POLG: variants seen among roughly 807,000 people sequenced by gnomAD.
The protein encoded by POLG is DNA polymerase gamma, catalytic subunit, also known as DNA polymerase subunit gamma-1.
POLG carries 110 observed loss-of-function variants against 155.4 expected under a neutral mutation model. The ratio of observed to expected loss-of-function variants is 0.71; its 90% confidence interval spans 0.61 to 0.83. POLG has a LOEUF of 0.83. Ranked by LOEUF, POLG falls within the 40% of genes least tolerant of loss-of-function variation. The pLI, the probability that POLG is intolerant of heterozygous loss-of-function variation, is 0.00. For synonymous variants in POLG, 701 were observed against 631.5 expected (o/e 1.11, Z -1.65); for missense variants, 1,685 against 1,627.5 (o/e 1.04, Z -0.61).
At chr15:89,317,157 G>C in intron 22 of POLG, 1 of 611,790 alleles carries the variant, frequency 1.6e-6, no homozygotes, top group Non-Finnish European at 2.9e-6. Flanking sequence ...GTAGGGGACA[G>C]GTACAGGTAG....
rs1298520719 is a variant in POLG at position 89,325,704 on chromosome 15, G to A, written c.1713-18C>T. 20 of 1,560,892 alleles carry A rather than the reference G, an allele frequency of 1.3e-5. No homozygotes were observed. The highest frequency in any genetic ancestry group is 1.7e-5 in the Non-Finnish European group (19 of 1,141,614). On this transcript the variant is annotated intron_variant, in intron 9 of 22. Transcript: ENST00000268124. ...GGTACCATCTACGTCCCAGCAGGAA[G>A]ACAGCAGTGTCACGATGGTAAGGGC...
At position 89,316,644 on chromosome 15, in the gene POLG, CCT is replaced by C; in HGVS notation, c.*105_*106del. On this transcript the variant is annotated 3_prime_UTR_variant, in exon 23 of 23. Coordinates refer to ENST00000268124, the MANE Select transcript of POLG (RefSeq NM_002693.3). ...GGTCCTGCTACTGAAAAATGGCTGG[CCT>C]TAGGCAAGCCCTTTTGCAAAAAGCA... 1 of 1,185,490 alleles carries C rather than the reference CCT, an allele frequency of 8.4e-7. No individual in the cohort carries two copies. Among genetic ancestry groups the C allele is most frequent in the African/African-American group, 1.5e-5 (1 of 66,384 alleles). 73.4% of individuals were successfully genotyped at this position (1,185,490 alleles called of 1,614,324 possible). A position where few individuals can be genotyped will look rare whatever the true frequency, so the allele number is the denominator to read the frequency against.
At position 89,333,108 on chromosome 15, in the gene POLG, G is replaced by A. The variant is rs763592738; in HGVS notation, c.647C>T (p.Ser216Phe). ...GTCPTLAVAI[S>F]PSAWYSWCSQ... is the part of the protein sequence containing the mutation. ...TGCCCCTACTTACCAGGCCGAGGGG[G>A]ATATGGCCACCGCCAATGTGGGGCA... Residue 216 changes from serine to phenylalanine, a missense_variant, in exon 2 of 23, where the codon TCC (serine) becomes TTC (phenylalanine). This residue lies in a region of POLG where 1,210 missense variants were observed against 1,167.1 expected (regional missense o/e 1.04). Transcript: ENST00000268124. 6 of 1,519,678 alleles carry A rather than the reference G, an allele frequency of 3.9e-6. No homozygotes were observed. The highest frequency in any genetic ancestry group is 2.6e-5 in the South Asian group (2 of 76,366). 94.1% of individuals were successfully genotyped at this position (1,519,678 alleles called of 1,614,324 possible).
chr15:89,324,374 T>TA, intron 10 of POLG, 147 bp from the exon 11 acceptor site: 2 of 888,908 alleles, frequency 2.2e-6, no homozygotes, highest in Non-Finnish European at 1.8e-6. Flanking sequence ...TCCCGGGTTT[T>TA]AGACAGGGAT....
Position 89,333,747 on chromosome 15 carries a change from C to T in POLG, c.8G>A (p.Arg3His). The change falls in exon 2 of 23, where the codon CGC becomes CAC. Residue 3 changes from arginine to histidine, a missense_variant. By Grantham distance (29) the Arg-to-His change is conservative. This residue lies in a region of POLG where 1,210 missense variants were observed against 1,167.1 expected (regional missense o/e 1.04). Transcript: ENST00000268124. ...GCCGGCCACCTTCCTCCAGAGCAGG[C>T]GGCTCATGGTTGGTGCAGGGACCCC... Reference protein sequence around the residue: MSRLLWRKVAGAT... With the variant: MSHLLWRKVAGAT... The T allele has an allele frequency of 6.5e-7, 1 of 1,535,292 alleles. No homozygotes were observed. The highest frequency in any genetic ancestry group is 8.7e-7 in the Non-Finnish European group (1 of 1,146,476).
In POLG at chr15:89,316,563, G is replaced by A. The variant is rs1386328271; in HGVS notation, c.*188C>T. 2.4e-6 allele frequency: 3 copies of A among 1,274,208 alleles called. No individual in the cohort carries two copies. Among genetic ancestry groups the A allele is most frequent in the Non-Finnish European group, 3.4e-6 (3 of 891,498 alleles). 78.9% of individuals were successfully genotyped at this position (1,274,208 alleles called of 1,614,324 possible). On this transcript the variant is annotated 3_prime_UTR_variant, in exon 23 of 23. Transcript: ENST00000268124. ...TAGTCCACACCGATGTTGGCATCTT[G>A]GTTCTGAACCCACTGAATTCAACTG...
In POLG at chr15:89,320,739, T is replaced by TA. The variant is rs571769488; in HGVS notation, c.2981+26dup. 8 of 1,611,286 alleles carry TA rather than the reference T, an allele frequency of 5.0e-6. 1 individual carries two copies. The South Asian group carries it at 5.5e-5, about 11-fold the overall frequency. ...AAAGCAGGCCTCGGGTCCTGGGTGT[T>TA]AAAGTGGATGGGAGAGGGACCCTCA... On this transcript the variant is annotated intron_variant, in intron 18 of 22. Coordinates refer to ENST00000268124, the MANE Select transcript of POLG (RefSeq NM_002693.3).
In POLG at chr15:89,328,381, G is replaced by A. The variant is rs147036984; in HGVS notation, c.1250+75C>T. Reference sequence around the variant, plus strand: ...GTCCCCAACCTGAGATAGAACCAGCGCCACCTGATTACAGTGGGCCCGGGT... The same window carrying A: ...GTCCCCAACCTGAGATAGAACCAGCACCACCTGATTACAGTGGGCCCGGGT... On this transcript the variant is annotated intron_variant, in intron 6 of 22. Transcript: ENST00000268124. The A allele has an allele frequency of 5.0e-4, 578 of 1,158,808 alleles. 2 individuals are homozygous for A. Among genetic ancestry groups the A allele is most frequent in the Middle Eastern group, 1.9e-3 (10 of 5,260 alleles). The allele number at this position is 1,158,808 out of a possible 1,614,324, so 71.8% of individuals were successfully genotyped here. A position where few individuals can be genotyped will look rare whatever the true frequency, so the allele number is the denominator to read the frequency against.
At chr15:89,322,717 C>T in intron 14 of POLG, 25 bp downstream of exon 14, 2 of 1,612,188 alleles carry the variant, frequency 1.2e-6, no homozygotes, top group Non-Finnish European at 1.7e-6. Context: ...AAAGGCATCC[C>T]AGGACTCCTC....
In POLG at chr15:89,325,089, TGAGTGAGTGAGAGAGTGA is replaced by T. The variant is rs2055465469; in HGVS notation, c.1949+343_1949+360del. On this transcript the variant is annotated intron_variant, in intron 10 of 22. Transcript: ENST00000268124. ...GTGAGTGAGTGAGTGAGTGAGAGAG[TGAGTGAGTGAGAGAGTGA>T]GAGAGAGTGAGTGAGTGAGTGAGAG... Among the ~76,000 whole-genome samples the T allele has an allele frequency of 6.8e-4, 28 of 41,238 alleles. 4 individuals are homozygous for T. The highest frequency in any genetic ancestry group is 3.0e-3 in the African/African-American group (25 of 8,406). 27.1% of individuals were successfully genotyped at this position (41,238 alleles called of 152,430 possible).
Position 89,321,267 on chromosome 15 carries a change from G to T in POLG, c.2599-7C>A, listed in dbSNP as rs745457199. On this transcript the variant is annotated splice_polypyrimidine_tract_variant and splice_region_variant and intron_variant, in intron 16 of 22. Transcript: ENST00000268124. ...CACTGCCTACTCGGTCAGGCTGTGG[G>T]AAGAGTGAGATACCCAAATGAGACT... 2 of 1,613,934 alleles carry T rather than the reference G, an allele frequency of 1.2e-6. No homozygotes were observed. Among genetic ancestry groups the T allele is most frequent in the Admixed American group, 1.7e-5 (1 of 59,992 alleles).
At chr15:89,331,597 G>A (rs945527983) in intron 2 of POLG, among the ~76,000 whole-genome samples, 6 of 152,322 alleles carry the variant, frequency 3.9e-5, no homozygotes, top group East Asian at 1.9e-4. Context: ...CCTGATGGCC[G>A]AAGCCCTTAC....
chr15:89,333,881 G>A lies in POLG; in HGVS notation c.-127C>T. ...GTCTCTGCTCTCCTGTCAGTGAAAT[G>A]GGTTTGACCATGCCTGCCTTCCACC... On this transcript the variant is annotated 5_prime_UTR_variant, in exon 2 of 23. Transcript: ENST00000268124. 2 of 1,174,740 alleles carry A rather than the reference G, an allele frequency of 1.7e-6. No homozygotes were observed. The highest frequency in any genetic ancestry group is 2.7e-5 in the South Asian group (2 of 73,898). 72.8% of individuals were successfully genotyped at this position (1,174,740 alleles called of 1,614,324 possible).
rs1170298448 is a variant in POLG, at chr15:89,325,271, TGAGA to T, written c.1949+175_1949+178del. 7.2e-4 allele frequency among the ~76,000 whole-genome samples: 67 copies of T among 92,770 alleles called. 14 individuals are homozygous for T. The highest frequency in any genetic ancestry group is 2.2e-3 in the Admixed American group (23 of 10,528). The allele number at this position is 92,770 out of a possible 152,430, so 60.9% of individuals were successfully genotyped here. A position where few individuals can be genotyped will look rare whatever the true frequency, so the allele number is the denominator to read the frequency against. On this transcript the variant is annotated intron_variant, in intron 10 of 22. Transcript: ENST00000268124. ...GTGAGAGAGAGAGTGAGTGAGTGAG[TGAGA>T]GAGAGAGAAAGAGAGAGAGAGAGGG...
intron 22 of POLG, 126 bp from the exon 23 acceptor site, chr15:89,316,953 A>G: frequency 1.3e-6 from 1 of 751,544 alleles, no homozygotes; most frequent in Non-Finnish European, 2.4e-6. Context: ...ATTGCCACGA[A>G]CGGTAATGTT....
At chr15:89,329,980 CAG>C (rs2055573120) in intron 3 of POLG, 99 bp downstream of exon 3, 1 of 1,027,974 alleles carries the variant, frequency 9.7e-7, no homozygotes, top group Non-Finnish European at 1.5e-6. Context: ...GCAAAGGCAA[CAG>C]AGACACGTGC....
At chr15:89,317,309 T>C (rs1243259635) in intron 22 of POLG, 67 bp downstream of exon 22, 3 of 1,539,068 alleles carry the variant, frequency 1.9e-6, no homozygotes, top group Admixed American at 1.7e-5. Flanking sequence ...TTTCCTGTTC[T>C]CCAAGACCCA....
In POLG at chr15:89,325,067, AGTGAGT is replaced by A. The variant is rs1567189098; in HGVS notation, c.1949+377_1949+382del. Among the ~76,000 whole-genome samples the A allele has an allele frequency of 3.8e-5, 4 of 106,058 alleles. 1 individual carries two copies. The highest frequency in any genetic ancestry group is 1.2e-4 in the African/African-American group (3 of 24,048). The allele number at this position is 106,058 out of a possible 152,430, so 69.6% of individuals were successfully genotyped here. A position where few individuals can be genotyped will look rare whatever the true frequency, so the allele number is the denominator to read the frequency against. ...GAGTGAGTGAGTGAGAGAGTGAGTG[AGTGAGT>A]GAGTGAGTGAGAGAGTGAGTGAGTG... On this transcript the variant is annotated intron_variant, in intron 10 of 22. Transcript: ENST00000268124.
rs2055489901 is a variant in POLG at position 89,325,229 on chromosome 15, AGTGAGAGAGTGAGTGAGTG to A, written c.1949+202_1949+220del. On this transcript the variant is annotated intron_variant, in intron 10 of 22. Transcript: ENST00000268124. ...GAGAGAGTGAGTGAGTGAGAGAGTGAGTGAGAGAGTGAGTGAGTGAGAGAGAGAGTGAGTGAGTGAGTGA... is the reference window on the plus strand; with the variant it reads ...GAGAGAGTGAGTGAGTGAGAGAGTGAAGAGAGAGAGTGAGTGAGTGAGTGA... Among the ~76,000 whole-genome samples the A allele has an allele frequency of 4.8e-5, 5 of 105,078 alleles. 1 individual carries two copies. Among genetic ancestry groups the A allele is most frequent in the African/African-American group, 2.3e-4 (5 of 22,168 alleles). 68.9% of individuals were successfully genotyped at this position (105,078 alleles called of 152,430 possible). A position where few individuals can be genotyped will look rare whatever the true frequency, so the allele number is the denominator to read the frequency against.
Sources: gnomAD v4.1 joint callset for allele counts (sites outside exome capture counted in the v4.1 genomes callset) on GRCh38, gnomAD v4.1.1 for gene constraint, gnomAD v4.1.1 regional missense constraint, MANE v1.5 for transcripts, NCBI Gene and HGNC (gene_info 2026-07-23, HGNC 2026-07-21) for gene names.